The following MGAT4C variants were observed in gnomAD, a reference collection of about 807,000 sequenced individuals.
The protein encoded by MGAT4C is MGAT4 family member C, also known as alpha-1,3-mannosyl-glycoprotein 4-beta-N-acetylglucosaminyltransferase C.
In MGAT4C, 19 loss-of-function variants were observed where a neutral mutation model predicts 40.1. The observed-to-expected ratio is 0.47, with a 90% CI of 0.33 to 0.70. The LOEUF (loss-of-function observed/expected upper bound fraction) is 0.70, where lower values mean the gene tolerates loss of function less well. Among genes scored for constraint, MGAT4C ranks in the 30% least tolerant of loss-of-function variants. The probability of loss-of-function intolerance (pLI) is 0.02; values close to 1 mark genes in which losing one functional copy is unlikely to be tolerated. For synonymous variants in MGAT4C, 181 were observed against 187.1 expected (o/e 0.97, Z 0.27); for missense variants, 491 against 563.2 (o/e 0.87, Z 1.30).
chr12:86,322,383 G>C (rs944180581), intron 4 of MGAT4C, among the ~76,000 whole-genome samples: 15 of 151,610 alleles, frequency 9.9e-5, no homozygotes, highest in Non-Finnish European at 7.4e-5. Context: ...AAAAAAATCA[G>C]AGAACTGCTT....
rs562697256 is a variant in MGAT4C at position 86,441,950 on chromosome 12, C to T, written c.-228-6685G>A. Reference sequence around the variant, plus strand: ...CTTCCACAATGGTTGAACTACTTCACGTCCCACTGACAGTGTAAAAGTGTT... The same window carrying T: ...CTTCCACAATGGTTGAACTACTTCATGTCCCACTGACAGTGTAAAAGTGTT... On this transcript the variant is annotated intron_variant, in intron 2 of 7. Coordinates refer to the MGAT4C transcript ENST00000548651. 5.9e-5 allele frequency among the ~76,000 whole-genome samples: 9 copies of T among 152,248 alleles called. No homozygotes were observed. The East Asian group carries it at 1.4e-3, about 23-fold the overall frequency.
At chr12:86,300,507 CAGAA>C (rs972523262) in intron 4 of MGAT4C, among the ~76,000 whole-genome samples, 17 of 151,898 alleles carry the variant, frequency 1.1e-4, no homozygotes, top group Non-Finnish European at 2.4e-4. Flanking sequence ...ATGGGAAAGA[CAGAA>C]AAACAAAAAA....
chr12:86,087,803 C>A (rs1872151385), intron 1 of MGAT4C, among the ~76,000 whole-genome samples: 1 of 151,790 alleles, frequency 6.6e-6, no homozygotes, highest in South Asian at 2.1e-4. Context: ...AATAATACTG[C>A]CCAAAGCAAT....
chr12:86,543,235 C>T (rs933993985), intron 2 of MGAT4C, among the ~76,000 whole-genome samples: 1 of 151,228 alleles, frequency 6.6e-6, no homozygotes, highest in Non-Finnish European at 1.5e-5. Context: ...TTTTATATTC[C>T]TACCTTATTA....
At chr12:86,454,883 T>C (rs1446267467) in intron 2 of MGAT4C, among the ~76,000 whole-genome samples, 2 of 152,174 alleles carry the variant, frequency 1.3e-5, no homozygotes, top group African/African-American at 2.4e-5. Context: ...AAATTTTATG[T>C]TGTTTCTTTC....
intron 1 of MGAT4C, among the ~76,000 whole-genome samples, chr12:86,176,157 C>A (rs1392437101): frequency 6.6e-6 from 1 of 152,176 alleles, no homozygotes; most frequent in African/African-American, 2.4e-5. Context: ...TCCATGACTT[C>A]TCTAGCTTGT....
intron 4 of MGAT4C, among the ~76,000 whole-genome samples, chr12:86,319,780 T>C (rs1363922346): frequency 2.6e-5 from 4 of 152,212 alleles, no homozygotes; most frequent in African/African-American, 9.6e-5. Context: ...GCATCTTGCA[T>C]TTCCCCCTTT....
intron 1 of MGAT4C, among the ~76,000 whole-genome samples, chr12:86,109,796 C>A (rs1341487509): frequency 6.6e-6 from 1 of 151,804 alleles, no homozygotes; most frequent in African/African-American, 2.4e-5. Context: ...GGAGCTTTTA[C>A]ACTTGTGGTG....
Position 86,310,643 on chromosome 12 carries a change from C to T in MGAT4C, c.-57+23422G>A, listed in dbSNP as rs896055662. Among the ~76,000 whole-genome samples the T allele has an allele frequency of 5.3e-5, 8 of 152,174 alleles. 1 individual carries two copies. In the South Asian group the frequency reaches 1.2e-3, roughly 24 times the overall value. On this transcript the variant is annotated intron_variant, in intron 4 of 7. Coordinates refer to the MGAT4C transcript ENST00000548651. ...CTTACTATTAAAAAGTTAAGCAGGCCGGGCACAGTGGCTCATGGCTATAAT... is the reference window on the plus strand; with the variant it reads ...CTTACTATTAAAAAGTTAAGCAGGCTGGGCACAGTGGCTCATGGCTATAAT...
intron 2 of MGAT4C, among the ~76,000 whole-genome samples, chr12:86,603,712 A>G (rs1474486420): frequency 7.6e-6 from 1 of 131,564 alleles, no homozygotes; most frequent in Non-Finnish European, 1.6e-5. Flanking sequence ...TCTATAGTCT[A>G]TAGACTATAT....
At chr12:86,664,710 G>T (rs1486702495) in intron 2 of MGAT4C, among the ~76,000 whole-genome samples, 1 of 151,910 alleles carries the variant, frequency 6.6e-6, no homozygotes, top group Non-Finnish European at 1.5e-5. Context: ...ACCTAAAGAA[G>T]ATTAAAAAAT....
At chr12:86,181,762 C>T (rs562070057) in intron 1 of MGAT4C, among the ~76,000 whole-genome samples, 2 of 152,064 alleles carry the variant, frequency 1.3e-5, no homozygotes, top group Middle Eastern at 3.5e-3. Context: ...TCATGTTTTT[C>T]GTTTCAGCAA....
intron 2 of MGAT4C, among the ~76,000 whole-genome samples, chr12:86,554,462 C>T (rs1959515703): frequency 1.3e-5 from 2 of 152,194 alleles, no homozygotes; most frequent in South Asian, 2.1e-4. Flanking sequence ...AGCTTTGCTG[C>T]TTTTCACTAC....
At chr12:86,766,308 G>A (rs935629080) in intron 1 of MGAT4C, among the ~76,000 whole-genome samples, 3 of 152,074 alleles carry the variant, frequency 2.0e-5, no homozygotes, top group African/African-American at 4.8e-5. Flanking sequence ...AATTCAATAA[G>A]AAGAGCTAAC....
chr12:86,788,232 T>A (rs1951966683), intron 1 of MGAT4C, among the ~76,000 whole-genome samples: 1 of 151,202 alleles, frequency 6.6e-6, no homozygotes, highest in African/African-American at 2.4e-5. Context: ...AGATTAGGAA[T>A]TACAGTGGGT....
chr12:85,997,924 G>T (rs1296867874), intron 2 of MGAT4C, among the ~76,000 whole-genome samples: 1 of 152,182 alleles, frequency 6.6e-6, no homozygotes, highest in Non-Finnish European at 1.5e-5. Flanking sequence ...GCTCCAGTAG[G>T]GACTCAGTGT....
intron 4 of MGAT4C, among the ~76,000 whole-genome samples, chr12:86,310,464 T>C (rs1251807153): frequency 6.6e-6 from 1 of 152,138 alleles, no homozygotes; most frequent in East Asian, 1.9e-4. Flanking sequence ...GATAGTATTT[T>C]TTAATCAGAA....
chr12:86,077,576 T>C (rs971517977), intron 1 of MGAT4C, among the ~76,000 whole-genome samples: 2 of 152,224 alleles, frequency 1.3e-5, no homozygotes, highest in Non-Finnish European at 2.9e-5. Flanking sequence ...ATAGCTGGTA[T>C]TGATGACTAC....
chr12:86,079,705 T>C (rs1387568958), intron 1 of MGAT4C, among the ~76,000 whole-genome samples: 1 of 151,884 alleles, frequency 6.6e-6, no homozygotes, highest in Non-Finnish European at 1.5e-5. Context: ...GTATATAAGT[T>C]TAACAATAAT....
Sources: allele counts gnomAD v4.1 joint callset (sites outside exome capture counted in the v4.1 genomes callset), GRCh38; gene constraint gnomAD v4.1.1; transcripts MANE v1.5; gene names NCBI Gene and HGNC (gene_info 2026-07-23, HGNC 2026-07-21).